Variants in OSBPL10 observed in about 807,000 individuals in gnomAD.
OSBPL10 encodes oxysterol-binding protein-related protein 10.
In OSBPL10, 49 loss-of-function variants were observed where a neutral mutation model predicts 81.7. The ratio of observed to expected loss-of-function variants is 0.60; its 90% confidence interval spans 0.48 to 0.76. The LOEUF is 0.76. Ranked by LOEUF, OSBPL10 falls within the 30% of genes least tolerant of loss-of-function variation. The pLI is 0.00. For synonymous variants in OSBPL10, 419 were observed against 383.6 expected (o/e 1.09, Z -1.08); for missense variants, 923 against 987.8 (o/e 0.93, Z 0.88).
chr3:31,726,561 G>A (rs1265230878), intron 6 of OSBPL10, among the ~76,000 whole-genome samples: 1 of 152,054 alleles, frequency 6.6e-6, no homozygotes, highest in African/African-American at 2.4e-5. Context: ...TGATCCGCCT[G>A]CCTCGGCCAC....
chr3:31,972,215 C>T (rs1303495636), intron 1 of OSBPL10, among the ~76,000 whole-genome samples: 2 of 152,142 alleles, frequency 1.3e-5, no homozygotes, highest in Admixed American at 6.5e-5. Flanking sequence ...ATGATGAAAC[C>T]CCGTCTCTAC....
chr3:31,731,408 T>C (rs1696967754), intron 6 of OSBPL10, among the ~76,000 whole-genome samples: 1 of 152,046 alleles, frequency 6.6e-6, no homozygotes, highest in Admixed American at 6.5e-5. Flanking sequence ...GTCTCTACTT[T>C]AATGAAAAAA....
At chr3:31,693,961 G>C (rs915063270) in intron 7 of OSBPL10, among the ~76,000 whole-genome samples, 3 of 152,088 alleles carry the variant, frequency 2.0e-5, no homozygotes, top group African/African-American at 7.2e-5. Context: ...GTAGAGACAA[G>C]GTCTTGCTAT....
chr3:31,909,481 T>C (rs1398811485), intron 1 of OSBPL10, among the ~76,000 whole-genome samples: 1 of 151,300 alleles, frequency 6.6e-6, no homozygotes, highest in African/African-American at 2.4e-5. Context: ...TAATGAAAGC[T>C]ATTGCTGGTA....
intron 4 of OSBPL10, among the ~76,000 whole-genome samples, chr3:31,825,597 G>A (rs768350588): frequency 8.5e-5 from 13 of 152,130 alleles, no homozygotes; most frequent in Non-Finnish European, 1.6e-4. Context: ...GATTACAGGC[G>A]TGATTCACTG....
At chr3:32,032,915 T>C (rs1333028264) in intron 2 of OSBPL10, among the ~76,000 whole-genome samples, 1 of 152,190 alleles carries the variant, frequency 6.6e-6, no homozygotes, top group East Asian at 1.9e-4. Context: ...GGAGGACCAT[T>C]GAAAGAAAAT....
intron 5 of OSBPL10, among the ~76,000 whole-genome samples, 196 bp from the exon 6 acceptor site, chr3:31,733,607 G>A (rs181452722): frequency 6.7e-6 from 1 of 148,306 alleles, no homozygotes; most frequent in Admixed American, 6.7e-5. Context: ...ATAATATCAA[G>A]ATCAGAATCA....
intron 1 of OSBPL10, among the ~76,000 whole-genome samples, chr3:31,962,625 G>A (rs866193454): frequency 5.9e-5 from 9 of 152,036 alleles, no homozygotes; most frequent in African/African-American, 1.2e-4. Flanking sequence ...GCTTTTACCC[G>A]CAAGAAATGT....
intron 3 of OSBPL10, among the ~76,000 whole-genome samples, chr3:31,832,395 A>C (rs920978337): frequency 6.6e-6 from 1 of 152,192 alleles, no homozygotes; most frequent in Non-Finnish European, 1.5e-5. Context: ...ATTTTGCATA[A>C]AATTTACATT....
chr3:31,921,227 G>C (rs1479376208), intron 1 of OSBPL10, among the ~76,000 whole-genome samples: 1 of 152,024 alleles, frequency 6.6e-6, no homozygotes, highest in Non-Finnish European at 1.5e-5. Flanking sequence ...ATACACCTTA[G>C]TACACACATG....
intron 2 of OSBPL10, among the ~76,000 whole-genome samples, chr3:32,000,153 T>C (rs190412503): frequency 7.2e-5 from 11 of 152,326 alleles, no homozygotes; most frequent in Admixed American, 7.2e-4. Flanking sequence ...CTCTACCTGG[T>C]AAATTAACGT....
At chr3:31,836,916 T>C (rs1377500965) in intron 3 of OSBPL10, among the ~76,000 whole-genome samples, 1 of 152,212 alleles carries the variant, frequency 6.6e-6, no homozygotes, top group African/African-American at 2.4e-5. Context: ...TTTGGAACTA[T>C]GCAATTTTAG....
intron 2 of OSBPL10, among the ~76,000 whole-genome samples, chr3:32,043,911 A>AG (rs1203917669): frequency 2.0e-5 from 3 of 150,192 alleles, no homozygotes; most frequent in African/African-American, 7.3e-5. Context: ...GGACTATTAG[A>AG]GGGGGAATGG....
chr3:32,018,823 C>T (rs1699337437), intron 2 of OSBPL10, among the ~76,000 whole-genome samples: 1 of 151,982 alleles, frequency 6.6e-6, no homozygotes, highest in South Asian at 2.1e-4. Flanking sequence ...TTTGTGTGAT[C>T]ACACTGGAAA....
chr3:31,950,110 T>G (rs140066712), intron 1 of OSBPL10, among the ~76,000 whole-genome samples: 67 of 152,278 alleles, frequency 4.4e-4, no homozygotes, highest in African/African-American at 1.6e-3. Flanking sequence ...GTGGGCAGCA[T>G]AATTAAGAGA....
In OSBPL10 at chr3:31,981,080, A is replaced by G. The variant is rs1698827700; in HGVS notation, c.100T>C (p.Ser34Pro). 2.0e-6 allele frequency: 3 copies of G among 1,492,166 alleles called. No individual in the cohort carries two copies. The highest frequency in any genetic ancestry group is 2.7e-6 in the Non-Finnish European group (3 of 1,125,448). 92.4% of individuals were successfully genotyped at this position (1,492,166 alleles called of 1,614,324 possible). ...CTGGAGACCCCCCGGCCCGCCAGAG[A>G]GCAGGAGGGCGAGGAGCCCGCCGAG... Reference protein sequence around the residue: ...ATSAGSSPSCSLAGRGVSSRS... With the variant: ...ATSAGSSPSCPLAGRGVSSRS... Residue 34 changes from serine to proline, a missense_variant, in exon 1 of 12, where the codon TCT becomes CCT. Physicochemically the swap from Ser to Pro is moderately conservative, Grantham distance 74. This residue lies in a region of OSBPL10 where 514 missense variants were observed against 508.0 expected (regional missense o/e 1.01). Transcript: ENST00000396556. The surrounding 1 kb of genome is among the most constrained non-coding windows in gnomAD (Gnocchi z 4.5).
At chr3:31,871,211 G>A (rs1319800878) in intron 3 of OSBPL10, among the ~76,000 whole-genome samples, 1 of 152,098 alleles carries the variant, frequency 6.6e-6, no homozygotes, top group East Asian at 1.9e-4. Context: ...CTGCTTTTAT[G>A]AGCTGTAACA....
intron 1 of OSBPL10, among the ~76,000 whole-genome samples, chr3:31,935,019 C>A (rs1006937760): frequency 1.3e-5 from 2 of 152,138 alleles, no homozygotes; most frequent in African/African-American, 4.8e-5. Context: ...TAGCGCTTGG[C>A]CTTCCTGGGA....
intron 4 of OSBPL10, among the ~76,000 whole-genome samples, chr3:31,776,423 AAACAT>A (rs1698550852): frequency 6.6e-6 from 1 of 152,230 alleles, no homozygotes; most frequent in East Asian, 1.9e-4. Flanking sequence ...TCAAAAAGTT[AAACAT>A]AAAATTACCA....
Sources: allele counts gnomAD v4.1 joint callset (sites outside exome capture counted in the v4.1 genomes callset), GRCh38; gene constraint gnomAD v4.1.1; regional missense constraint gnomAD v4.1.1; non-coding constraint Gnocchi (gnomAD v3.1); transcripts MANE v1.5; gene names NCBI Gene and HGNC (gene_info 2026-07-23, HGNC 2026-07-21).